MSRA: variants seen among roughly 807,000 people sequenced by gnomAD.
MSRA encodes the protein mitochondrial peptide methionine sulfoxide reductase.
A neutral mutation model predicts 31.3 loss-of-function variants in MSRA; 54 were observed. The ratio of observed to expected loss-of-function variants is 1.73; its 90% confidence interval spans 1.39 to 2.17. The LOEUF is 2.17. Among genes scored for constraint, MSRA ranks in the 30% most tolerant of loss-of-function variants. The pLI, the probability that MSRA is intolerant of heterozygous loss-of-function variation, is 0.00. For synonymous variants in MSRA, 169 were observed against 116.5 expected (o/e 1.45, Z -2.90); for missense variants, 507 against 300.9 (o/e 1.69, Z -5.07).
intron 5 of MSRA, among the ~76,000 whole-genome samples, chr8:10,320,551 T>C (rs1449502773): frequency 6.6e-6 from 1 of 152,206 alleles, no homozygotes; most frequent in East Asian, 1.9e-4. Context: ...TTAAAATAAG[T>C]CTTTTTCCTT....
At chr8:10,076,058 G>A (rs1253072997) in intron 1 of MSRA, among the ~76,000 whole-genome samples, 1 of 151,660 alleles carries the variant, frequency 6.6e-6, no homozygotes, top group African/African-American at 2.4e-5. Context: ...TTCACGTCTG[G>A]ACTGCGAGTC....
At chr8:10,359,724 T>C (rs1354312205) in intron 5 of MSRA, among the ~76,000 whole-genome samples, 1 of 151,898 alleles carries the variant, frequency 6.6e-6, no homozygotes, top group Admixed American at 6.6e-5. Context: ...TGGAGGATGG[T>C]CTCAGATGGA....
chr8:10,259,793 G>C (rs765179160), intron 3 of MSRA, among the ~76,000 whole-genome samples: 3 of 152,170 alleles, frequency 2.0e-5, no homozygotes, highest in Non-Finnish European at 4.4e-5. Context: ...CCTGCACCTG[G>C]CTTTGCTTTT....
At chr8:10,365,353 CCAAA>C (rs1805101314) in intron 5 of MSRA, among the ~76,000 whole-genome samples, 2 of 152,104 alleles carry the variant, frequency 1.3e-5, no homozygotes, top group South Asian at 4.1e-4. Flanking sequence ...AGTTGGTTTG[CCAAA>C]CAGTGAACTG....
chr8:10,225,484 T>G (rs1810914319), intron 2 of MSRA, among the ~76,000 whole-genome samples: 1 of 152,238 alleles, frequency 6.6e-6, no homozygotes. Flanking sequence ...ATGAATCACG[T>G]TCTTTACATT....
chr8:10,230,101 G>C (rs1374944821), intron 2 of MSRA, among the ~76,000 whole-genome samples: 1 of 152,230 alleles, frequency 6.6e-6, no homozygotes, highest in Non-Finnish European at 1.5e-5. Flanking sequence ...CGTGCAAGGT[G>C]CAATGCATGC....
At chr8:10,382,549 A>G (rs1038748137) in intron 5 of MSRA, among the ~76,000 whole-genome samples, 3 of 152,208 alleles carry the variant, frequency 2.0e-5, no homozygotes, top group African/African-American at 7.2e-5. Flanking sequence ...TCTCATTTGG[A>G]GACCTGAACT....
chr8:10,214,292 C>G (rs1216493317), intron 2 of MSRA, among the ~76,000 whole-genome samples: 2 of 152,146 alleles, frequency 1.3e-5, no homozygotes, highest in Non-Finnish European at 2.9e-5. Context: ...TTGTCCCTCT[C>G]TGGGGTACTC....
intron 2 of MSRA, among the ~76,000 whole-genome samples, chr8:10,217,509 T>C (rs920939736): frequency 1.3e-5 from 2 of 152,236 alleles, no homozygotes; most frequent in African/African-American, 4.8e-5. Context: ...AGTTGAGTTT[T>C]AAAAGGTATT....
chr8:10,259,267 G>A (rs553604578), intron 3 of MSRA, among the ~76,000 whole-genome samples: 2 of 152,162 alleles, frequency 1.3e-5, no homozygotes, highest in African/African-American at 4.8e-5. Context: ...TTGGGCTGTA[G>A]CAAGGTGACA....
intron 3 of MSRA, among the ~76,000 whole-genome samples, chr8:10,245,922 A>G (rs937841482): frequency 1.3e-5 from 2 of 152,312 alleles, no homozygotes; most frequent in South Asian, 2.1e-4. Flanking sequence ...TCAACAATCT[A>G]CCGCATGAGA....
At chr8:10,293,427 C>T (rs542180134) in intron 3 of MSRA, among the ~76,000 whole-genome samples, 4 of 152,340 alleles carry the variant, frequency 2.6e-5, no homozygotes, top group African/African-American at 7.2e-5. Context: ...GTCTGACGTC[C>T]CGGTATGCGT....
At chr8:10,381,645 C>G (rs1806077509) in intron 5 of MSRA, among the ~76,000 whole-genome samples, 1 of 152,192 alleles carries the variant, frequency 6.6e-6, no homozygotes, top group African/African-American at 2.4e-5. Flanking sequence ...TTCTGGCATT[C>G]TTTCAGGAGT....
intron 3 of MSRA, among the ~76,000 whole-genome samples, chr8:10,246,974 G>A (rs984437404): frequency 6.6e-6 from 1 of 152,078 alleles, no homozygotes; most frequent in African/African-American, 2.4e-5. Context: ...TGACTTAATG[G>A]CCTAAGAGAA....
chr8:10,383,329 A>G (rs770231643), intron 5 of MSRA, among the ~76,000 whole-genome samples: 28 of 152,330 alleles, frequency 1.8e-4, no homozygotes, highest in Non-Finnish European at 3.4e-4. Context: ...GGGTCCTGCA[A>G]TGAGAAGAGG....
intron 1 of MSRA, among the ~76,000 whole-genome samples, chr8:10,082,944 C>G (rs1427215740): frequency 1.3e-5 from 2 of 152,210 alleles, no homozygotes; most frequent in Non-Finnish European, 1.5e-5. Context: ...AGTTAATAAT[C>G]TCAGCTCTTA....
At chr8:10,175,710 G>A (rs1293903092) in intron 1 of MSRA, among the ~76,000 whole-genome samples, 1 of 152,198 alleles carries the variant, frequency 6.6e-6, no homozygotes, top group Non-Finnish European at 1.5e-5. Context: ...AAGATGTTTG[G>A]TAGCATTTCC....
intron 1 of MSRA, among the ~76,000 whole-genome samples, chr8:10,148,125 C>T (rs1377523223): frequency 1.3e-5 from 2 of 152,124 alleles, no homozygotes; most frequent in African/African-American, 4.8e-5. Flanking sequence ...CTCGGCTCTG[C>T]AGCCGGAAAG....
intron 1 of MSRA, among the ~76,000 whole-genome samples, chr8:10,189,081 A>AT (rs770893264): frequency 2.6e-4 from 39 of 152,276 alleles, no homozygotes; most frequent in Non-Finnish European, 3.7e-4. Flanking sequence ...CCTTACTGAC[A>AT]TTTTATTAAA....
Sources: allele counts gnomAD v4.1 joint callset (sites outside exome capture counted in the v4.1 genomes callset), GRCh38; gene constraint gnomAD v4.1.1; transcripts MANE v1.5; gene names NCBI Gene and HGNC (gene_info 2026-07-23, HGNC 2026-07-21).